FAM169A: variants seen among roughly 807,000 people sequenced by gnomAD.
FAM169A encodes soluble lamin-associated protein of 75 kDa.
A neutral mutation model predicts 75.7 loss-of-function variants in FAM169A; 24 were observed. That is an observed-to-expected ratio of 0.32 (90% CI 0.23 to 0.45). The LOEUF is 0.45. Among genes scored for constraint, FAM169A ranks in the 20% least tolerant of loss-of-function variants. The pLI, the probability that FAM169A is intolerant of heterozygous loss-of-function variation, is 1.00. For synonymous variants in FAM169A, 271 were observed against 271.0 expected (o/e 1.00, Z 0.00); for missense variants, 673 against 784.0 (o/e 0.86, Z 1.69).
intron 11 of FAM169A, among the ~76,000 whole-genome samples, chr5:74,785,490 C>T (rs76304984): frequency 0.021 from 3,139 of 152,174 alleles, 107 homozygotes; most frequent in African/African-American, 0.072. Flanking sequence ...AGCTAGGCGC[C>T]GTGGTTTATG....
At chr5:74,801,740 C>T in intron 8 of FAM169A, 111 bp from the exon 9 acceptor site, 3 of 778,286 alleles carry the variant, frequency 3.9e-6, no homozygotes, top group East Asian at 2.5e-5. Context: ...CCAAATAGCA[C>T]TTTTTGTTAA....
chr5:74,856,138 T>C (rs528871851), intron 1 of FAM169A, among the ~76,000 whole-genome samples: 1 of 152,346 alleles, frequency 6.6e-6, no homozygotes, highest in East Asian at 1.9e-4. Context: ...TCCATTGGTC[T>C]ATGTGTCTGT....
At chr5:74,832,507 A>G (rs1011511377) in intron 5 of FAM169A, among the ~76,000 whole-genome samples, 1 of 151,524 alleles carries the variant, frequency 6.6e-6, no homozygotes, top group African/African-American at 2.4e-5. Context: ...CAAGACTTTC[A>G]CTCAACTACA....
intron 11 of FAM169A, among the ~76,000 whole-genome samples, chr5:74,793,342 A>AG (rs1284205992): frequency 6.6e-6 from 1 of 151,382 alleles, no homozygotes; most frequent in Non-Finnish European, 1.5e-5. Context: ...AAAAAAAAAA[A>AG]GTGGTATATA....
intron 5 of FAM169A, among the ~76,000 whole-genome samples, chr5:74,814,876 T>C (rs1026097246): frequency 6.6e-6 from 1 of 152,244 alleles, no homozygotes; most frequent in Non-Finnish European, 1.5e-5. Flanking sequence ...TCAGTCATTA[T>C]TCTATTATTT....
At chr5:74,854,951 C>A (rs890989726) in intron 1 of FAM169A, among the ~76,000 whole-genome samples, 2 of 152,092 alleles carry the variant, frequency 1.3e-5, no homozygotes, top group African/African-American at 4.8e-5. Flanking sequence ...ATACTGATTT[C>A]TTTCTTTCTT....
At chr5:74,837,070 T>C (rs973259868) in intron 4 of FAM169A, among the ~76,000 whole-genome samples, 18 of 152,164 alleles carry the variant, frequency 1.2e-4, no homozygotes, top group Admixed American at 1.2e-3. Context: ...GGAGGTTTCA[T>C]AGTTTCTCCA....
chr5:74,851,575 T>C (rs1749448226), intron 1 of FAM169A, among the ~76,000 whole-genome samples: 2 of 152,106 alleles, frequency 1.3e-5, no homozygotes, highest in Admixed American at 6.5e-5. Flanking sequence ...TAACAATAAA[T>C]TAATAGATAT....
intron 1 of FAM169A, among the ~76,000 whole-genome samples, chr5:74,853,277 T>C (rs1405251933): frequency 6.6e-6 from 1 of 152,216 alleles, no homozygotes; most frequent in East Asian, 1.9e-4. Context: ...TATTTTCTGA[T>C]GATAATAACA....
At chr5:74,847,126 T>G (rs1484336359) in intron 1 of FAM169A, among the ~76,000 whole-genome samples, 2 of 152,184 alleles carry the variant, frequency 1.3e-5, no homozygotes, top group Non-Finnish European at 2.9e-5. Context: ...CTGCTCCCCT[T>G]TTATAATTGT....
At chr5:74,847,120 TCCC>T (rs1749195459) in intron 1 of FAM169A, among the ~76,000 whole-genome samples, 1 of 152,156 alleles carries the variant, frequency 6.6e-6, no homozygotes, top group African/African-American at 2.4e-5. Context: ...CCATCCCTGC[TCCC>T]CTTTTATAAT....
At chr5:74,866,760 A>G, upstream of FAM169A, 1 of 985,514 alleles carries the variant, frequency 1.0e-6, no homozygotes, top group Non-Finnish European at 1.2e-6. Context: ...CCTTCGCAGG[A>G]TTCTGTTCGC....
intron 1 of FAM169A, 69 bp downstream of exon 1, chr5:74,866,096 G>C: frequency 1.3e-6 from 1 of 797,802 alleles, no homozygotes; most frequent in Non-Finnish European, 1.5e-6. Flanking sequence ...GCTGGCGGGG[G>C]CGCGGGGCCC....
intron 11 of FAM169A, among the ~76,000 whole-genome samples, chr5:74,784,144 A>G (rs927328884): frequency 2.0e-5 from 3 of 152,172 alleles, no homozygotes; most frequent in African/African-American, 7.2e-5. Context: ...TCCCATAGAT[A>G]AAACAGTTGA....
intron 5 of FAM169A, among the ~76,000 whole-genome samples, chr5:74,821,798 G>A (rs1273660153): frequency 6.6e-6 from 1 of 152,158 alleles, no homozygotes; most frequent in Non-Finnish European, 1.5e-5. Flanking sequence ...AAACATATTG[G>A]CTTAGAACTA....
chr5:74,799,061 T>C (rs561204481), intron 10 of FAM169A: 441 of 1,014,336 alleles, frequency 4.3e-4, no homozygotes, highest in Non-Finnish European at 6.3e-4. Flanking sequence ...CGTACCCAGA[T>C]TGCCCTCAGT....
At chr5:74,830,949 A>G (rs1235612048) in intron 5 of FAM169A, among the ~76,000 whole-genome samples, 1 of 152,148 alleles carries the variant, frequency 6.6e-6, no homozygotes, top group East Asian at 1.9e-4. Flanking sequence ...CACTACCTGC[A>G]TTTACTCTTA....
At chr5:74,812,220 C>A (rs1162413659) in intron 6 of FAM169A, among the ~76,000 whole-genome samples, 1 of 152,118 alleles carries the variant, frequency 6.6e-6, no homozygotes, top group East Asian at 1.9e-4. Context: ...ACCTCCTGGG[C>A]TCAAGCAATT....
intron 5 of FAM169A, among the ~76,000 whole-genome samples, chr5:74,825,773 C>T (rs73116736): frequency 0.015 from 2,235 of 152,144 alleles, 54 homozygotes; most frequent in African/African-American, 0.051. Flanking sequence ...ACTCTAGTAA[C>T]GTTTTGATTC....
Sources: allele counts gnomAD v4.1 joint callset (sites outside exome capture counted in the v4.1 genomes callset), GRCh38; gene constraint gnomAD v4.1.1; transcripts MANE v1.5; gene names NCBI Gene and HGNC (gene_info 2026-07-23, HGNC 2026-07-21).